The following SETD2 variants were observed in gnomAD, a reference collection of about 807,000 sequenced individuals.
The protein encoded by SETD2 is histone-lysine N-methyltransferase SETD2.
SETD2 carries 31 observed loss-of-function variants against 242.1 expected under a neutral mutation model. That is an observed-to-expected ratio of 0.13 (90% confidence interval 0.10 to 0.17). SETD2 has a LOEUF of 0.17. Ranked by LOEUF, SETD2 falls within the 10% of genes least tolerant of loss-of-function variation. The probability of loss-of-function intolerance (pLI) is 1.00; values close to 1 mark genes in which losing one functional copy is unlikely to be tolerated. For missense variants in SETD2, 2,481 were observed against 3,046.3 expected, an observed-to-expected ratio of 0.81 and a Z score of 4.37; for synonymous variants, 1,006 against 1,066.5, an observed-to-expected ratio of 0.94 and a Z score of 1.11.
chr3:47,038,657 C>T (rs2039135225), intron 17 of SETD2, among the ~76,000 whole-genome samples: 1 of 151,980 alleles, frequency 6.6e-6, no homozygotes, highest in African/African-American at 2.4e-5. Flanking sequence ...GTACCCTCTG[C>T]TAAAAATATT....
intron 1 of SETD2, among the ~76,000 whole-genome samples, chr3:47,130,146 T>C (rs775052024): frequency 1.3e-5 from 2 of 152,186 alleles, no homozygotes; most frequent in Admixed American, 6.5e-5. Context: ...TCCAGCAAGA[T>C]TGGCGGGACA....
At chr3:47,103,478 A>C in intron 6 of SETD2, 55 bp from the exon 7 acceptor site, 1 of 1,202,384 alleles carries the variant, frequency 8.3e-7, no homozygotes, top group Non-Finnish European at 1.2e-6. Flanking sequence ...ATATTCATGC[A>C]ATTACCTGCA....
At position 47,056,804 on chromosome 3, in the gene SETD2, G is replaced by A. The variant is rs762998948; in HGVS notation, c.6963+17C>T. On this transcript the variant is annotated intron_variant, in intron 15 of 20. Transcript: ENST00000409792. ...ACAGACCATAAAGCAGAAAAGAAAA[G>A]TTTCAGAATTAGTTACCTGTACAAT... 1.2e-5 allele frequency: 20 copies of A among 1,603,438 alleles called. No homozygotes were observed. The highest frequency in any genetic ancestry group is 1.5e-5 in the Non-Finnish European group (18 of 1,171,842).
At chr3:47,067,041 A>G (rs374330968) in intron 13 of SETD2, 29 bp downstream of exon 13, 6 of 1,567,098 alleles carry the variant, frequency 3.8e-6, no homozygotes, top group Admixed American at 1.7e-5. Flanking sequence ...TTGTAAAGCC[A>G]TCAACACAGA....
Position 47,022,193 on chromosome 3 carries a change from TCACACACA to T in SETD2, c.7351-2361_7351-2354del, listed in dbSNP as rs55972218. 9.7e-4 allele frequency among the ~76,000 whole-genome samples: 127 copies of T among 131,020 alleles called. 1 individual carries two copies. The South Asian group carries it at 0.017, about 18-fold the overall frequency. The allele number at this position is 131,020 out of a possible 152,430, so 86.0% of individuals were successfully genotyped here. A position where few individuals can be genotyped will look rare whatever the true frequency, so the allele number is the denominator to read the frequency against. The stretch of plus-strand genomic sequence containing the variant: ...GCCTGGGAGACAGAGCAACAATCTG[TCACACACA>T]CACACACACACACACACACACACAC... On this transcript the variant is annotated intron_variant, in intron 18 of 20. Coordinates refer to ENST00000409792, the MANE Select transcript of SETD2 (RefSeq NM_014159.7).
intron 3 of SETD2, among the ~76,000 whole-genome samples, chr3:47,118,382 T>C (rs1018926650): frequency 1.3e-5 from 2 of 152,130 alleles, no homozygotes; most frequent in Non-Finnish European, 2.9e-5. Context: ...GAGTTTGTCT[T>C]CTTAGTGGCT....
rs1268579419 is a variant in SETD2, at chr3:47,124,226, A to G, written c.410T>C (p.Val137Ala). 6.4e-7 allele frequency: 1 copy of G among 1,551,782 alleles called. No homozygotes were observed. The highest frequency in any genetic ancestry group is 2.4e-5 in the East Asian group (1 of 40,930). The part of the protein sequence containing the change: ...AEESSPPKSR[V>A]ELGKIHFKKH... ...CTTAAAATGAATTTTGCCCAATTCC[A>G]CCCTTGACTTTGGTGGGGAAGATTC... Residue 137 changes from valine (V) to alanine (A), a missense_variant, in exon 3 of 21, where the codon GTG becomes GCG. Physicochemically the swap from Val to Ala is moderately conservative, Grantham distance 64. Coordinates refer to ENST00000409792, the MANE Select transcript of SETD2 (RefSeq NM_014159.7).
At chr3:47,043,331 T>C (rs1432361490) in intron 16 of SETD2, among the ~76,000 whole-genome samples, 2 of 152,162 alleles carry the variant, frequency 1.3e-5, no homozygotes, top group Non-Finnish European at 2.9e-5. Flanking sequence ...AATAGGATGG[T>C]GTCCTTATTA....
At chr3:47,069,075 G>A (rs2040699780) in intron 12 of SETD2, among the ~76,000 whole-genome samples, 1 of 151,994 alleles carries the variant, frequency 6.6e-6, no homozygotes, top group Non-Finnish European at 1.5e-5. Context: ...TTACAGATGT[G>A]AGCCACCGCA....
chr3:47,037,509 GGCCAT>G (rs2039067447), intron 18 of SETD2, among the ~76,000 whole-genome samples, 152 bp downstream of exon 18: 1 of 151,872 alleles, frequency 6.6e-6, no homozygotes, highest in Non-Finnish European at 1.5e-5. Context: ...TATGTAAAAA[GGCCAT>G]TCTTTCTCCC....
chr3:47,118,598 G>C (rs1409349003), intron 3 of SETD2, among the ~76,000 whole-genome samples: 1 of 151,096 alleles, frequency 6.6e-6, no homozygotes, highest in East Asian at 1.9e-4. Context: ...GCACCCGGCA[G>C]AGGTTGCAGT....
chr3:47,159,280 A>G (rs1243292523), intron 1 of SETD2, among the ~76,000 whole-genome samples: 2 of 152,158 alleles, frequency 1.3e-5, no homozygotes, highest in Non-Finnish European at 2.9e-5. Flanking sequence ...AATCAACTCA[A>G]TATCTAACAG....
chr3:47,100,074 C>G (rs2042151294), intron 8 of SETD2, among the ~76,000 whole-genome samples: 1 of 150,524 alleles, frequency 6.6e-6, no homozygotes, highest in Non-Finnish European at 1.5e-5. Context: ...TCCGGAGTAG[C>G]TAGGATTACA....
chr3:47,086,056 C>G, intron 11 of SETD2, 139 bp downstream of exon 11: 1 of 879,530 alleles, frequency 1.1e-6, no homozygotes, highest in Admixed American at 2.5e-5. Context: ...AGGAATGATA[C>G]TGAGATGAAA....
At chr3:47,153,569 G>C (rs908370602) in intron 1 of SETD2, among the ~76,000 whole-genome samples, 1 of 152,088 alleles carries the variant, frequency 6.6e-6, no homozygotes, top group Non-Finnish European at 1.5e-5. Context: ...GGGCAACATA[G>C]TAAGACTCCT....
intron 3 of SETD2, among the ~76,000 whole-genome samples, chr3:47,119,111 A>T (rs2042972671): frequency 6.6e-6 from 1 of 152,132 alleles, no homozygotes; most frequent in African/African-American, 2.4e-5. Context: ...GTTGATTCTC[A>T]ACTAGCAGGA....
At chr3:47,096,240 C>T (rs1038450320) in intron 9 of SETD2, among the ~76,000 whole-genome samples, 3 of 152,162 alleles carry the variant, frequency 2.0e-5, no homozygotes, top group Non-Finnish European at 4.4e-5. Flanking sequence ...AGCTTATTTC[C>T]ACCACCTATT....
chr3:47,132,174 C>T (rs1201042552), intron 1 of SETD2, among the ~76,000 whole-genome samples: 1 of 142,642 alleles, frequency 7.0e-6, no homozygotes, highest in Non-Finnish European at 1.5e-5. Context: ...ATTCTGTCTT[C>T]CAGGCTGGAG....
chr3:47,037,711 A>G lies in SETD2; in HGVS notation c.7305T>C (p.Ala2435=), dbSNP rs140828600. 15 of 1,613,840 alleles carry G rather than the reference A, an allele frequency of 9.3e-6. No individual in the cohort carries two copies. In the Middle Eastern group the frequency reaches 1.5e-3, roughly 160 times the overall value. Residue 2435 remains alanine, a synonymous_variant, in exon 18 of 21, where the codon GCT becomes GCC. Coordinates refer to ENST00000409792, the MANE Select transcript of SETD2 (RefSeq NM_014159.7). ...PGDDASLEHE[A]EMDLGTPTYD... The stretch of plus-strand genomic sequence containing the variant: ...ATGTTGGAGTTCCCAGGTCCATCTC[A>G]GCTTCATGCTCAAGGCTGGCATCAT...
Sources: allele counts gnomAD v4.1 joint callset (sites outside exome capture counted in the v4.1 genomes callset), GRCh38; gene constraint gnomAD v4.1.1; transcripts MANE v1.5; gene names NCBI Gene and HGNC (gene_info 2026-07-23, HGNC 2026-07-21).